ELL2: variants seen among roughly 807,000 people sequenced by gnomAD.
The protein encoded by ELL2 is RNA polymerase II elongation factor ELL2.
Under a neutral mutation model 72.8 loss-of-function variants are expected in ELL2, and 21 were observed. The observed-to-expected ratio is 0.29, with a 90% CI of 0.20 to 0.42. ELL2 has a LOEUF of 0.42. Among genes scored for constraint, ELL2 ranks in the 10% least tolerant of loss-of-function variants. ELL2 has a pLI of 1.00. For synonymous variants in ELL2, 266 were observed against 283.2 expected, an observed-to-expected ratio of 0.94 and a Z score of 0.61; for missense variants, 568 against 772.8, an observed-to-expected ratio of 0.73 and a Z score of 3.14.
chr5:95,927,476 T>C (rs187083347), intron 2 of ELL2, among the ~76,000 whole-genome samples: 206 of 18,938 alleles, frequency 0.011, 65 homozygotes, highest in African/African-American at 0.092. Context: ...TATATAGACA[T>C]ACACACACGT....
At chr5:95,917,310 C>T (rs959214848) in intron 3 of ELL2, among the ~76,000 whole-genome samples, 1 of 152,092 alleles carries the variant, frequency 6.6e-6, no homozygotes. Context: ...GATAAGAAGA[C>T]TAGTTAATTT....
intron 1 of ELL2, among the ~76,000 whole-genome samples, chr5:95,946,195 G>A (rs749001147): frequency 1.3e-5 from 2 of 152,140 alleles, no homozygotes; most frequent in East Asian, 1.9e-4. Flanking sequence ...AGTGCAGTCC[G>A]GGCGGATGCT....
At chr5:95,921,621 A>G (rs952465275) in intron 2 of ELL2, among the ~76,000 whole-genome samples, 2 of 152,252 alleles carry the variant, frequency 1.3e-5, no homozygotes, top group Non-Finnish European at 2.9e-5. Context: ...ATCCTACAGC[A>G]GTAGAGGCAA....
In ELL2 at chr5:95,905,525, G is replaced by T. The variant is rs1164795825; in HGVS notation, c.741+998C>A. On this transcript the variant is annotated intron_variant, in intron 5 of 11. Coordinates refer to ENST00000237853, the MANE Select transcript of ELL2 (RefSeq NM_012081.6). ...CTCTTTCTTTTGAGCTCTTAAAACT[G>T]CTATGTGACATATGGATTTAAATTA... Among the ~76,000 whole-genome samples the T allele has an allele frequency of 2.0e-5, 3 of 152,006 alleles. No homozygotes were observed. In the East Asian group the frequency reaches 5.8e-4, roughly 29 times the overall value.
chr5:95,940,484 C>T (rs1750931135), intron 2 of ELL2, among the ~76,000 whole-genome samples: 2 of 152,100 alleles, frequency 1.3e-5, no homozygotes, highest in African/African-American at 4.8e-5. Context: ...AGAGTATAAC[C>T]ATGCAGTGCT....
chr5:95,945,693 TA>T (rs1751130982), intron 1 of ELL2, among the ~76,000 whole-genome samples: 3 of 152,140 alleles, frequency 2.0e-5, no homozygotes, highest in African/African-American at 7.2e-5. Flanking sequence ...GGCTCTTGAA[TA>T]GCAGTTTAGA....
At chr5:95,947,415 G>A (rs931821616) in intron 1 of ELL2, among the ~76,000 whole-genome samples, 10 of 152,076 alleles carry the variant, frequency 6.6e-5, no homozygotes, top group Non-Finnish European at 1.5e-5. Context: ...TTCTTGACAT[G>A]CTTATAGTTC....
At chr5:95,917,653 C>G (rs1215288594) in intron 3 of ELL2, among the ~76,000 whole-genome samples, 1 of 152,078 alleles carries the variant, frequency 6.6e-6, no homozygotes, top group African/African-American at 2.4e-5. Context: ...TATAAGGCAC[C>G]TTGGATTATA....
chr5:95,945,169 C>A (rs1474958602), intron 1 of ELL2, among the ~76,000 whole-genome samples: 1 of 152,206 alleles, frequency 6.6e-6, no homozygotes, highest in Non-Finnish European at 1.5e-5. Context: ...GGCAGCAAAT[C>A]TCAATGACTG....
intron 1 of ELL2, among the ~76,000 whole-genome samples, chr5:95,947,723 C>A (rs1305049645): frequency 6.6e-6 from 1 of 152,098 alleles, no homozygotes; most frequent in Non-Finnish European, 1.5e-5. Context: ...TGTGTTACCC[C>A]CTAGTGCTAA....
Position 95,954,584 on chromosome 5 carries a change from TTTTTTTTTTTTC to T in ELL2, c.147+6979_147+6990del, listed in dbSNP as rs1419436405. Among the ~76,000 whole-genome samples the T allele has an allele frequency of 1.3e-4, 9 of 69,270 alleles. No individual in the cohort carries two copies. The South Asian group carries it at 2.0e-3, about 15-fold the overall frequency. 45.4% of individuals were successfully genotyped at this position (69,270 alleles called of 152,430 possible). The stretch of plus-strand genomic sequence containing the variant: ...ACCACGCCTGGCTAATTTTCTTTTC[TTTTTTTTTTTTC>T]TTTTTTTTTTTTTTTTTTGTATTTT... On this transcript the variant is annotated intron_variant, in intron 1 of 11. Transcript: ENST00000237853.
intron 4 of ELL2, among the ~76,000 whole-genome samples, chr5:95,911,620 A>G (rs1042319506): frequency 1.3e-5 from 2 of 152,224 alleles, no homozygotes; most frequent in African/African-American, 4.8e-5. Context: ...TGCTAAGATT[A>G]CAGGCGTGAG....
intron 2 of ELL2, among the ~76,000 whole-genome samples, chr5:95,939,354 T>C (rs1580526855): frequency 1.5e-5 from 2 of 132,904 alleles, no homozygotes; most frequent in East Asian, 2.4e-4. Flanking sequence ...GTGGAGCCCA[T>C]GCCATGCCCA....
chr5:95,900,494 A>G (rs1749092957), intron 7 of ELL2, 199 bp downstream of exon 7: 2 of 399,060 alleles, frequency 5.0e-6, no homozygotes, highest in Non-Finnish European at 8.9e-6. Context: ...TCTGACAAGC[A>G]GTGCTGTGTA....
chr5:95,938,724 AATT>A (rs575107439), intron 2 of ELL2, among the ~76,000 whole-genome samples: 37 of 152,300 alleles, frequency 2.4e-4, no homozygotes, highest in Middle Eastern at 3.4e-3. Flanking sequence ...CTCAAAAAAT[AATT>A]ATTATTTTAT....
intron 7 of ELL2, 152 bp from the exon 8 acceptor site, chr5:95,898,962 A>AAAC (rs1561491114): frequency 1.4e-5 from 7 of 494,940 alleles, no homozygotes; most frequent in African/African-American, 2.0e-5. Flanking sequence ...GCTTAAGCAA[A>AAAC]AAACAAACAA....
chr5:95,961,055 T>C (rs964087196), intron 1 of ELL2, among the ~76,000 whole-genome samples: 3 of 149,840 alleles, frequency 2.0e-5, no homozygotes, highest in Non-Finnish European at 4.4e-5. Context: ...TGTCCCCAAG[T>C]CCCTGGGAAT....
intron 1 of ELL2, among the ~76,000 whole-genome samples, chr5:95,948,047 G>C (rs1243566373): frequency 3.3e-5 from 5 of 152,014 alleles, no homozygotes; most frequent in Admixed American, 6.6e-5. Flanking sequence ...TAGCAATCTA[G>C]AAAAATACTT....
intron 9 of ELL2, among the ~76,000 whole-genome samples, chr5:95,892,775 T>G (rs1205648523): frequency 1.3e-5 from 2 of 152,194 alleles, no homozygotes; most frequent in Non-Finnish European, 2.9e-5. Context: ...GTGAGCAAAC[T>G]TAGTGTCCTC....
Sources: gnomAD v4.1 joint callset for allele counts (sites outside exome capture counted in the v4.1 genomes callset) on GRCh38, gnomAD v4.1.1 for gene constraint, MANE v1.5 for transcripts, NCBI Gene and HGNC (gene_info 2026-07-23, HGNC 2026-07-21) for gene names.